Variants in BIRC6 observed in about 807,000 individuals in gnomAD.
The protein encoded by BIRC6 is baculoviral IAP repeat containing 6, also known as dual E2 ubiquitin-conjugating enzyme/E3 ubiquitin-protein ligase BIRC6.
Under a neutral mutation model 503.3 loss-of-function variants are expected in BIRC6, and 98 were observed. That is an observed-to-expected ratio of 0.19 (90% CI 0.17 to 0.23). The LOEUF (loss-of-function observed/expected upper bound fraction) is 0.23. BIRC6 is among the 10% of genes least tolerant of loss of function. BIRC6 has a pLI of 1.00. For synonymous variants in BIRC6, 2,240 were observed against 2,078.7 expected (o/e 1.08, Z -2.11); for missense variants, 5,360 against 5,806.0 (o/e 0.92, Z 2.50).
Position 32,491,457 on chromosome 2 carries a change from A to T in BIRC6, c.8239A>T (p.Ser2747Cys). 6.2e-7 allele frequency: 1 copy of T among 1,613,406 alleles called. No homozygotes were observed. Among genetic ancestry groups the T allele is most frequent in the South Asian group, 1.1e-5 (1 of 91,034 alleles). ...CAGCAGTGCCATTGGAACTCAGGAGAGTACTGCTCATTTGTTGGTTTCAGA... is the reference window on the plus strand; with the variant it reads ...CAGCAGTGCCATTGGAACTCAGGAGTGTACTGCTCATTTGTTGGTTTCAGA... ...GSSSAIGTQE[S>C]TAHLLVSDPN... Residue 2747 changes from serine (S) to cysteine (C), a missense_variant, in exon 44 of 74, where the codon AGT (serine) becomes TGT (cysteine). Physicochemically the swap from Ser to Cys is moderately radical, Grantham distance 112. Around this residue, in one of 16 missense-constraint regions of BIRC6, gnomAD observed 2,299 missense variants for 2,267.2 expected, o/e 1.01. Coordinates refer to ENST00000421745, the MANE Select transcript of BIRC6 (RefSeq NM_016252.4).
At position 32,503,230 on chromosome 2, in the gene BIRC6, C is replaced by A; in HGVS notation, c.9493C>A (p.Pro3165Thr). The A allele has an allele frequency of 2.5e-6, 4 of 1,599,048 alleles. No homozygotes were observed. Among genetic ancestry groups the A allele is most frequent in the Non-Finnish European group, 3.4e-6 (4 of 1,174,234 alleles). Residue 3165 changes from proline (P) to threonine (T), a missense_variant, in exon 49 of 74, where the codon CCC becomes ACC. By Grantham distance (38) the Pro-to-Thr change is conservative. Coordinates refer to ENST00000421745, the MANE Select transcript of BIRC6 (RefSeq NM_016252.4). ...DNAEGIHNFA[P>T]LGTITSSSPT... ...TGCTGAAGGGATTCATAACTTTGCA[C>A]CCCTCGGTAAGAAAAGTGTTACTAA...
chr2:32,359,403 C>A (rs749062579), intron 1 of BIRC6, among the ~76,000 whole-genome samples: 1 of 152,080 alleles, frequency 6.6e-6, no homozygotes, highest in African/African-American at 2.4e-5. Context: ...TATTTATGTG[C>A]CTGTACATGG....
chr2:32,471,194 G>T (rs1360291366), intron 32 of BIRC6, 70 bp downstream of exon 32: 2 of 1,529,538 alleles, frequency 1.3e-6, no homozygotes, highest in African/African-American at 1.4e-5. Flanking sequence ...GATTTTGAGT[G>T]ACTTCGCAGT....
Position 32,499,694 on chromosome 2 carries a change from T to C in BIRC6, c.8616T>C (p.Thr2872=), listed in dbSNP as rs137947891. ...CATTTTTAGTGCACCACTATATCAC[T>C]TGCTCAGACAAAGTAATGTCAAGAA... ...SVTFLVHHYI[T]CSDKVMSRSG... The change falls in exon 46 of 74, where the codon ACT becomes ACC. Residue 2872 remains threonine (T), a synonymous_variant. Coordinates refer to ENST00000421745, the MANE Select transcript of BIRC6 (RefSeq NM_016252.4). 1 of 1,613,788 alleles carries C rather than the reference T, an allele frequency of 6.2e-7. No homozygotes were observed. The highest frequency in any genetic ancestry group is 8.5e-7 in the Non-Finnish European group (1 of 1,179,836).
At chr2:32,389,751 T>C (rs2149529527) in intron 4 of BIRC6, among the ~76,000 whole-genome samples, 1 of 152,270 alleles carries the variant, frequency 6.6e-6, no homozygotes, top group South Asian at 2.1e-4. Flanking sequence ...GGCTGGAGTG[T>C]AGTGGCACAA....
At chr2:32,536,205 A>C (rs2057221321) in intron 61 of BIRC6, among the ~76,000 whole-genome samples, 1 of 152,168 alleles carries the variant, frequency 6.6e-6, no homozygotes, top group African/African-American at 2.4e-5. Flanking sequence ...TCTGGATATT[A>C]GCCCTTTGTC....
chr2:32,496,316 C>G (rs576401752), intron 45 of BIRC6, among the ~76,000 whole-genome samples: 1 of 152,030 alleles, frequency 6.6e-6, no homozygotes, highest in East Asian at 1.9e-4. Context: ...ACCTCCACCT[C>G]CTGGGTTCGT....
chr2:32,482,642 G>T (rs1253279908), intron 39 of BIRC6, 60 bp downstream of exon 39: 1 of 1,574,302 alleles, frequency 6.4e-7, no homozygotes, highest in Non-Finnish European at 8.7e-7. Flanking sequence ...TGTCATTTAT[G>T]TATACTTTGT....
intron 50 of BIRC6, among the ~76,000 whole-genome samples, chr2:32,506,932 G>A (rs188824957): frequency 6.6e-6 from 1 of 152,084 alleles, no homozygotes; most frequent in East Asian, 1.9e-4. Context: ...CTAGTAATCA[G>A]TGTAAAGCTG....
chr2:32,388,738 AT>A lies in BIRC6; in HGVS notation c.646-8del. 6.4e-7 allele frequency: 1 copy of A among 1,566,588 alleles called. No individual in the cohort carries two copies. Among genetic ancestry groups the A allele is most frequent in the Non-Finnish European group, 8.6e-7 (1 of 1,156,336 alleles). On this transcript the variant is annotated splice_polypyrimidine_tract_variant and intron_variant, in intron 3 of 73. Transcript: ENST00000421745. ...TACATTTTCCTTTGCTTATACTCCC[AT>A]TTTCTTTCAGTGGGCCACAGTTACA...
intron 23 of BIRC6, among the ~76,000 whole-genome samples, chr2:32,456,340 G>C (rs2047263449): frequency 6.6e-6 from 1 of 152,126 alleles, no homozygotes; most frequent in African/African-American, 2.4e-5. Context: ...ATTGCATATA[G>C]ACAGTTGGTT....
At chr2:32,541,657 C>G (rs1021924158) in intron 61 of BIRC6, among the ~76,000 whole-genome samples, 2 of 152,070 alleles carry the variant, frequency 1.3e-5, no homozygotes, top group African/African-American at 4.8e-5. Flanking sequence ...GAGTGTGGAA[C>G]TTCAAATTAG....
At chr2:32,480,940 G>A (rs973457380) in intron 37 of BIRC6, among the ~76,000 whole-genome samples, 4 of 151,584 alleles carry the variant, frequency 2.6e-5, no homozygotes, top group Non-Finnish European at 5.9e-5. Context: ...ATGCCTGGCC[G>A]GTAAATGGCA....
At chr2:32,456,561 T>C (rs181481101) in intron 23 of BIRC6, among the ~76,000 whole-genome samples, 4 of 152,326 alleles carry the variant, frequency 2.6e-5, no homozygotes, top group African/African-American at 9.6e-5. Context: ...GTAAGTAACC[T>C]TTTTGCTACT....
In BIRC6 at chr2:32,442,152, C is replaced by A. The variant is rs878925581; in HGVS notation, c.4032C>A (p.Ile1344=). Residue 1344 remains isoleucine, a synonymous_variant, in exon 18 of 74, where the codon ATC becomes ATA. Transcript: ENST00000421745. ...TLCRKTDDGQ[I]TEHAQSLVLD... The stretch of plus-strand genomic sequence containing the variant: ...GCAGAAAAACAGATGATGGCCAGAT[C>A]ACAGAACATGCCCAGAGCCTTGTGT... 1.2e-6 allele frequency: 2 copies of A among 1,611,234 alleles called. No homozygotes were observed. Among genetic ancestry groups the A allele is most frequent in the African/African-American group, 1.3e-5 (1 of 74,790 alleles).
At chr2:32,570,792 C>T (rs1429209410) in intron 65 of BIRC6, among the ~76,000 whole-genome samples, 1 of 152,016 alleles carries the variant, frequency 6.6e-6, no homozygotes, top group East Asian at 1.9e-4. Flanking sequence ...AGCCATCACG[C>T]TCGGCCTATT....
intron 3 of BIRC6, among the ~76,000 whole-genome samples, chr2:32,382,805 C>T (rs1375507186): frequency 6.7e-6 from 1 of 149,436 alleles, no homozygotes. Flanking sequence ...CTCACTGCAA[C>T]GTCCGTCTCC....
intron 3 of BIRC6, among the ~76,000 whole-genome samples, chr2:32,384,620 C>T (rs972903671): frequency 2.0e-5 from 3 of 152,180 alleles, no homozygotes; most frequent in Admixed American, 2.0e-4. Flanking sequence ...GCTGTTCCCC[C>T]TGGGAAATGA....
intron 23 of BIRC6, among the ~76,000 whole-genome samples, chr2:32,461,388 T>C (rs1572396695): frequency 7.3e-6 from 1 of 136,166 alleles, no homozygotes; most frequent in Non-Finnish European, 1.5e-5. Context: ...GTGTGTTTAG[T>C]AGAGACAAGG....
Sources: gnomAD v4.1 joint callset for allele counts (sites outside exome capture counted in the v4.1 genomes callset) on GRCh38, gnomAD v4.1.1 for gene constraint, gnomAD v4.1.1 regional missense constraint, MANE v1.5 for transcripts, NCBI Gene and HGNC (gene_info 2026-07-23, HGNC 2026-07-21) for gene names.